TGM5: variants seen among roughly 807,000 people sequenced by gnomAD.
The protein encoded by TGM5 is transglutaminase 5.
Under a neutral mutation model 77.2 loss-of-function variants are expected in TGM5, and 69 were observed. That is an observed-to-expected ratio of 0.89 (90% CI 0.74 to 1.09). TGM5 has a LOEUF of 1.09. TGM5 is among the 50% of genes least tolerant of loss of function. The pLI, the probability that TGM5 is intolerant of heterozygous loss-of-function variation, is 0.00. For synonymous variants in TGM5, 346 were observed against 351.8 expected (o/e 0.98, Z 0.18); for missense variants, 842 against 896.5 (o/e 0.94, Z 0.78).
intron 4 of TGM5, among the ~76,000 whole-genome samples, chr15:43,255,960 A>T (rs192221102): frequency 1.3e-5 from 2 of 152,256 alleles, no homozygotes; most frequent in Non-Finnish European, 2.9e-5. Flanking sequence ...GATGACCTTC[A>T]TGTATCCATT....
chr15:43,241,883 G>C (rs1338470082), intron 6 of TGM5, among the ~76,000 whole-genome samples: 1 of 151,684 alleles, frequency 6.6e-6, no homozygotes, highest in African/African-American at 2.4e-5. Context: ...CAAGTGATCC[G>C]CCTGCCTTGG....
At position 43,252,800 on chromosome 15, in the gene TGM5, C is replaced by A. The variant is rs116616135; in HGVS notation, c.821G>T (p.Arg274Leu). ...QWNATGCQPV[R>L]YGQCWVFAAV... The stretch of plus-strand genomic sequence containing the variant: ...AGCAAAGACCCAGCATTGCCCGTAG[C>A]GCACGGGCTGGCAGCCTGTGGCGTT... The change falls in exon 6 of 13, where the codon CGC (arginine) becomes CTC (leucine). Residue 274 changes from arginine (R) to leucine (L), a missense_variant. Physicochemically the swap from Arg to Leu is moderately radical, Grantham distance 102. Coordinates refer to ENST00000220420, the MANE Select transcript of TGM5 (RefSeq NM_201631.4). The A allele has an allele frequency of 5.6e-6, 9 of 1,614,030 alleles. No homozygotes were observed. The highest frequency in any genetic ancestry group is 7.6e-6 in the Non-Finnish European group (9 of 1,180,026).
At chr15:43,265,866 A>G (rs1276064842) in intron 1 of TGM5, among the ~76,000 whole-genome samples, 1 of 152,218 alleles carries the variant, frequency 6.6e-6, no homozygotes, top group Non-Finnish European at 1.5e-5. Flanking sequence ...AGGTAGATCT[A>G]TAGGTACTGA....
intron 6 of TGM5, among the ~76,000 whole-genome samples, chr15:43,251,251 G>A (rs776293049): frequency 6.6e-6 from 1 of 151,750 alleles, no homozygotes; most frequent in Non-Finnish European, 1.5e-5. Flanking sequence ...CTCAAGAGCT[G>A]GCTCTGCAGC....
rs114075961 is a variant in TGM5 at position 43,238,941 on chromosome 15, G to A, written c.1221C>T (p.Leu407=). Residue 407 remains leucine (L), a synonymous_variant, in exon 9 of 13, where the codon CTC becomes CTT. Coordinates refer to ENST00000220420, the MANE Select transcript of TGM5 (RefSeq NM_201631.4). The part of the protein sequence containing the change: ...SMVNADCMSW[L]VQGGKEQKLH... ...GCTTCTGCTCCTTCCCTCCCTGGACGAGCCAGGACATGCAGTCAGCATTCA... is the reference window on the plus strand; with the variant it reads ...GCTTCTGCTCCTTCCCTCCCTGGACAAGCCAGGACATGCAGTCAGCATTCA... The A allele has an allele frequency of 1.1e-5, 18 of 1,614,168 alleles. No individual in the cohort carries two copies. Among genetic ancestry groups the A allele is most frequent in the African/African-American group, 8.0e-5 (6 of 75,032 alleles).
chr15:43,239,133 G>A lies in TGM5; in HGVS notation c.1105+30C>T, dbSNP rs766823899. 95 of 1,613,934 alleles carry A rather than the reference G, an allele frequency of 5.9e-5. No individual in the cohort carries two copies. In the East Asian group the frequency reaches 1.7e-3, roughly 28 times the overall value. ...GGGGTGGGGTGCTTTCCACGGGAGC[G>A]GGGCCTGCCTTTCTTCTGGAGAGCC... On this transcript the variant is annotated intron_variant, in intron 8 of 12. Transcript: ENST00000220420.
At chr15:43,246,980 A>T (rs143355892) in intron 6 of TGM5, among the ~76,000 whole-genome samples, 1 of 152,226 alleles carries the variant, frequency 6.6e-6, no homozygotes, top group African/African-American at 2.4e-5. Context: ...CAACATGGCG[A>T]AACCCTGCCT....
chr15:43,246,960 C>T (rs2042673361), intron 6 of TGM5, among the ~76,000 whole-genome samples: 1 of 152,056 alleles, frequency 6.6e-6, no homozygotes, highest in Non-Finnish European at 1.5e-5. Context: ...GAGTTTGAGA[C>T]CAGCCTGGCC....
In TGM5 at chr15:43,232,798, A is replaced by G. The variant is rs1271753598; in HGVS notation, c.*393T>C. On this transcript the variant is annotated 3_prime_UTR_variant, in exon 13 of 13. Coordinates refer to ENST00000220420, the MANE Select transcript of TGM5 (RefSeq NM_201631.4). ...GAGACTGGAATCCTGGAATCTCTGG[A>G]TGGGACACAGTGGAATCCCTGGGCC... The G allele has an allele frequency of 2.1e-5, 5 of 242,440 alleles. No individual in the cohort carries two copies. Among genetic ancestry groups the G allele is most frequent in the Non-Finnish European group, 4.0e-5 (5 of 123,898 alleles). 15.0% of individuals were successfully genotyped at this position (242,440 alleles called of 1,614,324 possible).
At chr15:43,242,715 G>T (rs150954041) in intron 6 of TGM5, among the ~76,000 whole-genome samples, 1 of 152,198 alleles carries the variant, frequency 6.6e-6, no homozygotes, top group African/African-American at 2.4e-5. Flanking sequence ...TTGAGCTCGC[G>T]TGGCAGGTTT....
At chr15:43,261,615 G>A (rs894645735) in intron 1 of TGM5, among the ~76,000 whole-genome samples, 4 of 152,128 alleles carry the variant, frequency 2.6e-5, no homozygotes, top group East Asian at 1.9e-4. Context: ...GCCATGGTCC[G>A]AGTCACCTGG....
At position 43,253,568 on chromosome 15, in the gene TGM5, G is replaced by A. The variant is rs916973387; in HGVS notation, c.622C>T (p.Pro208Ser). ...CCCCGCAGAGCACAGTCTGTGGCTG[G>A]GTCAGTCTGGAAGTGCAGGCTCTTG... ...LDKSLHFQTD[P>S]ATDCALRGSP... Residue 208 changes from proline (P) to serine (S), a missense_variant, in exon 5 of 13, where the codon CCA (proline) becomes TCA (serine). By Grantham distance (74) the Pro-to-Ser change is moderately conservative (BLOSUM62 -1). This residue lies in a region of TGM5 where 815 missense variants were observed against 844.6 expected (regional missense o/e 0.96). Coordinates refer to ENST00000220420, the MANE Select transcript of TGM5 (RefSeq NM_201631.4). 2.5e-6 allele frequency: 4 copies of A among 1,613,854 alleles called. No individual in the cohort carries two copies. The highest frequency in any genetic ancestry group is 3.4e-6 in the Non-Finnish European group (4 of 1,180,038).
rs1049060042 is a variant in TGM5 at position 43,233,320 on chromosome 15, G to A, written c.2034C>T (p.His678=). The change falls in exon 13 of 13, where the codon CAC becomes CAT. Residue 678 remains histidine, a synonymous_variant. Transcript: ENST00000220420. ...CGGTCTCCAGAATGATGCTTGCTTG[G>A]TGTTGGGGTTTGAGGACTCCAAGGC... ...KVFLGVLKPQ[H]QASIILETVP... The A allele has an allele frequency of 9.3e-6, 15 of 1,613,860 alleles. No homozygotes were observed. The highest frequency in any genetic ancestry group is 1.2e-5 in the Non-Finnish European group (14 of 1,180,040).
intron 4 of TGM5, among the ~76,000 whole-genome samples, chr15:43,254,266 T>C (rs1227331727): frequency 6.6e-6 from 1 of 152,170 alleles, no homozygotes; most frequent in Non-Finnish European, 1.5e-5. Context: ...CGCGTGAGAC[T>C]CAGTTACGTG....
chr15:43,252,944 G>C lies in TGM5; in HGVS notation c.685-8C>G, dbSNP rs760411113. 9.3e-6 allele frequency: 15 copies of C among 1,612,288 alleles called. No homozygotes were observed. In the South Asian group the frequency reaches 1.4e-4, roughly 15 times the overall value. ...ATCATCATTGCTGTTGATCTGAAGAGAAGCCATATAGAGAAGTGTTAGAAA... is the reference window on the plus strand; with the variant it reads ...ATCATCATTGCTGTTGATCTGAAGACAAGCCATATAGAGAAGTGTTAGAAA... On this transcript the variant is annotated splice_region_variant and splice_polypyrimidine_tract_variant and intron_variant, in intron 5 of 12. Transcript: ENST00000220420.
chr15:43,238,794 G>A lies in TGM5; in HGVS notation c.1345+23C>T. The A allele has an allele frequency of 1.9e-6, 3 of 1,613,144 alleles. No homozygotes were observed. The East Asian group carries it at 6.7e-5, about 36-fold the overall frequency. On this transcript the variant is annotated intron_variant, in intron 9 of 12. Transcript: ENST00000220420. ...GGTTCCTGCAGGGCTGGGGCTCTGA[G>A]TAGGGCTGGCTTGCTTACTTACCTT...
rs568898574 is a variant in TGM5, at chr15:43,254,775, T to C, written c.556-1141A>G. Among the ~76,000 whole-genome samples the C allele has an allele frequency of 1.7e-3, 266 of 152,278 alleles. 1 individual carries two copies. Among genetic ancestry groups the C allele is most frequent in the African/African-American group, 6.2e-3 (257 of 41,550 alleles). ...GATGTTTTTCCCACTATCCTTCACT[T>C]GGCTAACTCAATTCAAACATCTCCT... is the stretch of plus-strand genomic sequence containing the variant. On this transcript the variant is annotated intron_variant, in intron 4 of 12. Transcript: ENST00000220420.
At chr15:43,255,549 C>A (rs894019926) in intron 4 of TGM5, among the ~76,000 whole-genome samples, 9 of 152,148 alleles carry the variant, frequency 5.9e-5, no homozygotes, top group Non-Finnish European at 1.3e-4. Context: ...GCTAGAGCCA[C>A]CCCTGGGCCC....
At chr15:43,247,515 C>T (rs2042676948) in intron 6 of TGM5, among the ~76,000 whole-genome samples, 1 of 150,160 alleles carries the variant, frequency 6.7e-6, no homozygotes, top group East Asian at 1.9e-4. Context: ...AAAAAGCTGA[C>T]CTCAAAAAAA....
Sources: gnomAD v4.1 joint callset for allele counts (sites outside exome capture counted in the v4.1 genomes callset) on GRCh38, gnomAD v4.1.1 for gene constraint, gnomAD v4.1.1 regional missense constraint, MANE v1.5 for transcripts, NCBI Gene and HGNC (gene_info 2026-07-23, HGNC 2026-07-21) for gene names.